RERE: variants seen among roughly 807,000 people sequenced by gnomAD.
The protein encoded by RERE is arginine-glutamic acid dipeptide repeats, also known as arginine-glutamic acid dipeptide repeats protein.
RERE carries 40 observed loss-of-function variants against 146.1 expected under a neutral mutation model. The ratio of observed to expected loss-of-function variants is 0.27; its 90% CI spans 0.21 to 0.36. The LOEUF is 0.36. Ranked by LOEUF, RERE falls within the 10% of genes least tolerant of loss-of-function variation. The pLI is 1.00. For synonymous variants in RERE, 1,003 were observed against 866.0 expected, an observed-to-expected ratio of 1.16 and a Z score of -2.78; for missense variants, 1,933 against 2,138.7, an observed-to-expected ratio of 0.90 and a Z score of 1.90.
chr1:8,501,907 C>T (rs1394893142), intron 8 of RERE, among the ~76,000 whole-genome samples: 16 of 92,548 alleles, frequency 1.7e-4, no homozygotes, highest in East Asian at 3.6e-4. Context: ...GCCCCCCGCC[C>T]GGCCAGCCGC....
At chr1:8,397,227 C>T (rs552119895) in intron 12 of RERE, among the ~76,000 whole-genome samples, 3 of 152,252 alleles carry the variant, frequency 2.0e-5, no homozygotes, top group African/African-American at 7.2e-5. Context: ...TCTCTTCACA[C>T]GTATTGTGAT....
intron 1 of RERE, among the ~76,000 whole-genome samples, chr1:8,724,651 C>A (rs1639923638): frequency 6.6e-6 from 1 of 151,534 alleles, no homozygotes; most frequent in African/African-American, 2.4e-5. Context: ...TCAAGACCAG[C>A]GACCCCGTCG....
At chr1:8,591,260 C>A (rs1646489532) in intron 4 of RERE, among the ~76,000 whole-genome samples, 2 of 152,024 alleles carry the variant, frequency 1.3e-5, no homozygotes, top group Admixed American at 1.3e-4. Context: ...TGTGAAGAGG[C>A]TTTTCTGGGA....
intron 4 of RERE, among the ~76,000 whole-genome samples, chr1:8,601,626 CCACA>C (rs3082094): frequency 0.017 from 1,612 of 94,876 alleles, 26 homozygotes; most frequent in African/African-American, 0.052. Flanking sequence ...TCCAAGGTCA[CCACA>C]CACACACACA....
At chr1:8,385,821 T>C (rs1370302596) in intron 12 of RERE, among the ~76,000 whole-genome samples, 1 of 148,420 alleles carries the variant, frequency 6.7e-6, no homozygotes, top group Admixed American at 6.7e-5. Context: ...AAAAAAAAAT[T>C]AGCTGGACGT....
chr1:8,771,693 G>T (rs1238090848), intron 1 of RERE, among the ~76,000 whole-genome samples: 1 of 152,038 alleles, frequency 6.6e-6, no homozygotes, highest in South Asian at 2.1e-4. Context: ...GGCAGATCAC[G>T]AGGTCAGGAG....
At chr1:8,493,703 T>A (rs1645007407) in intron 10 of RERE, among the ~76,000 whole-genome samples, 1 of 151,640 alleles carries the variant, frequency 6.6e-6, no homozygotes, top group Non-Finnish European at 1.5e-5. Context: ...TAGTGACCTC[T>A]CAAGAAATTA....
At chr1:8,466,848 G>C (rs995985118) in intron 10 of RERE, among the ~76,000 whole-genome samples, 1 of 151,998 alleles carries the variant, frequency 6.6e-6, no homozygotes, top group Non-Finnish European at 1.5e-5. Context: ...TTCCCACCTC[G>C]CAAAGATGCT....
intron 10 of RERE, among the ~76,000 whole-genome samples, chr1:8,491,236 T>A (rs971622319): frequency 2.8e-5 from 4 of 144,112 alleles, no homozygotes; most frequent in African/African-American, 1.2e-4. Flanking sequence ...AGATCGGGAG[T>A]TCGAGACCAG....
chr1:8,387,643 G>A (rs1642727523), intron 12 of RERE, among the ~76,000 whole-genome samples: 2 of 152,112 alleles, frequency 1.3e-5, no homozygotes, highest in Admixed American at 6.5e-5. Context: ...ATTTATATAG[G>A]CCCTTCATAA....
intron 4 of RERE, among the ~76,000 whole-genome samples, chr1:8,581,234 C>T (rs1646360879): frequency 6.6e-6 from 1 of 152,094 alleles, no homozygotes; most frequent in African/African-American, 2.4e-5. Context: ...TCCCTGATGA[C>T]CAATAATGAT....
At chr1:8,456,845 T>C (rs914797607) in intron 11 of RERE, among the ~76,000 whole-genome samples, 1 of 152,180 alleles carries the variant, frequency 6.6e-6, no homozygotes, top group East Asian at 1.9e-4. Context: ...AAAAGTGAAC[T>C]CTCCATGGCT....
At position 8,733,247 on chromosome 1, in the gene RERE, A is replaced by G. The variant is rs145443941; in HGVS notation, c.-144-76806T>C. 4.7e-3 allele frequency among the ~76,000 whole-genome samples: 717 copies of G among 152,344 alleles called. 7 individuals are homozygous for G. Among genetic ancestry groups the G allele is most frequent in the African/African-American group, 0.016 (684 of 41,578 alleles). ...TTCAGTAAGTCTTGGGACAGGCCCAATAATTTACATTTTAACCAAATTCAC... is the reference window on the plus strand; with the variant it reads ...TTCAGTAAGTCTTGGGACAGGCCCAGTAATTTACATTTTAACCAAATTCAC... On this transcript the variant is annotated intron_variant, in intron 1 of 22. Coordinates refer to ENST00000400908, the MANE Select transcript of RERE (RefSeq NM_001042681.2).
intron 12 of RERE, among the ~76,000 whole-genome samples, chr1:8,382,473 T>C (rs1354739296): frequency 6.6e-6 from 1 of 152,274 alleles, no homozygotes; most frequent in Non-Finnish European, 1.5e-5. Context: ...AGAGCGCGCA[T>C]GCTGGGGAAG....
chr1:8,764,533 TAAAC>T (rs1167441039), intron 1 of RERE, among the ~76,000 whole-genome samples: 1 of 152,142 alleles, frequency 6.6e-6, no homozygotes, highest in Non-Finnish European at 1.5e-5. Flanking sequence ...GAAGTCTAGA[TAAAC>T]AATCACAACA....
At chr1:8,582,341 T>C (rs1646376279) in intron 4 of RERE, among the ~76,000 whole-genome samples, 1 of 151,634 alleles carries the variant, frequency 6.6e-6, no homozygotes, top group Non-Finnish European at 1.5e-5. Flanking sequence ...CAAGTATTAA[T>C]GACTGGGACT....
chr1:8,771,818 G>A (rs1305517245), intron 1 of RERE, among the ~76,000 whole-genome samples: 1 of 149,108 alleles, frequency 6.7e-6, no homozygotes. Context: ...GCAGAGGCAG[G>A]AGAATGGCAT....
intron 4 of RERE, among the ~76,000 whole-genome samples, chr1:8,563,966 G>T (rs1372514222): frequency 6.6e-6 from 1 of 152,118 alleles, no homozygotes; most frequent in Non-Finnish European, 1.5e-5. Context: ...GCATACAGAG[G>T]GGGGAACACC....
rs1445969342 is a variant in RERE, at chr1:8,353,247, T to C, written c.*1840A>G. 1.3e-5 allele frequency: 2 copies of C among 152,372 alleles called. No homozygotes were observed. Among genetic ancestry groups the C allele is most frequent in the Admixed American group, 6.5e-5 (1 of 15,288 alleles). 9.4% of individuals were successfully genotyped at this position (152,372 alleles called of 1,614,324 possible). ...AATGAAAGAAAAAAAACTAGAAACATTTTCAACAGACAAAACAAGCCTATC... is the reference window on the plus strand; with the variant it reads ...AATGAAAGAAAAAAAACTAGAAACACTTTCAACAGACAAAACAAGCCTATC... On this transcript the variant is annotated 3_prime_UTR_variant, in exon 23 of 23. Transcript: ENST00000400908.
Sources: gnomAD v4.1 joint callset for allele counts (sites outside exome capture counted in the v4.1 genomes callset) on GRCh38, gnomAD v4.1.1 for gene constraint, MANE v1.5 for transcripts, NCBI Gene and HGNC (gene_info 2026-07-23, HGNC 2026-07-21) for gene names.